The following PCDH9 variants were observed in gnomAD, a reference collection of about 807,000 sequenced individuals.
The protein encoded by PCDH9 is protocadherin-9.
In PCDH9, 24 loss-of-function variants were observed where a neutral mutation model predicts 70.6. The observed-to-expected ratio is 0.34, with a 90% CI of 0.25 to 0.48. The LOEUF (loss-of-function observed/expected upper bound fraction) is 0.48. Among genes scored for constraint, PCDH9 ranks in the 20% least tolerant of loss-of-function variants. The pLI is 0.99. For missense variants in PCDH9, 1,281 were observed against 1,503.6 expected (o/e 0.85, Z 2.45); for synonymous variants, 562 against 558.5 (o/e 1.01, Z -0.09).
At chr13:66,468,614 A>G (rs1435405588) in intron 4 of PCDH9, among the ~76,000 whole-genome samples, 1 of 152,154 alleles carries the variant, frequency 6.6e-6, no homozygotes, top group Non-Finnish European at 1.5e-5. Context: ...CAGAAAGCAC[A>G]TTGCCAGTCA....
intron 4 of PCDH9, among the ~76,000 whole-genome samples, chr13:66,331,023 T>C (rs1293448512): frequency 1.3e-5 from 2 of 152,138 alleles, no homozygotes; most frequent in African/African-American, 4.8e-5. Flanking sequence ...AAAATTATAG[T>C]TCGAAGGATC....
At position 66,532,122 on chromosome 13, in the gene PCDH9, G is replaced by T. The variant is rs146105158; in HGVS notation, c.3340+99088C>A. ...CCACCTTTGCCTCCTAAATAGCTGG[G>T]ACTAATTACAGGCATGTACCACCAT... On this transcript the variant is annotated intron_variant, in intron 4 of 4. Transcript: ENST00000377865. Among the ~76,000 whole-genome samples, 109 of 151,922 alleles carry T rather than the reference G, an allele frequency of 7.2e-4. 1 individual carries two copies. The highest frequency in any genetic ancestry group is 2.3e-3 in the African/African-American group (97 of 41,470).
intron 2 of PCDH9, among the ~76,000 whole-genome samples, chr13:67,115,268 C>T (rs553341007): frequency 1.3e-5 from 2 of 152,266 alleles, no homozygotes; most frequent in South Asian, 4.1e-4. Flanking sequence ...TTGGTGAAGC[C>T]TGGGTGGGGT....
At chr13:67,186,436 C>T (rs1176577460) in intron 2 of PCDH9, among the ~76,000 whole-genome samples, 3 of 152,134 alleles carry the variant, frequency 2.0e-5, no homozygotes, top group Non-Finnish European at 2.9e-5. Flanking sequence ...TAATGTACAT[C>T]GTAATCACCT....
chr13:66,560,688 A>T (rs1961970328), intron 4 of PCDH9, among the ~76,000 whole-genome samples: 1 of 152,192 alleles, frequency 6.6e-6, no homozygotes, highest in South Asian at 2.1e-4. Flanking sequence ...ATACTCTTGG[A>T]TTGGAGAATT....
intron 2 of PCDH9, among the ~76,000 whole-genome samples, chr13:67,059,586 T>G (rs1385076574): frequency 6.6e-6 from 1 of 151,416 alleles, no homozygotes; most frequent in African/African-American, 2.4e-5. Flanking sequence ...GTGGCCGTCT[T>G]GGGAAGAGAG....
At chr13:66,574,010 T>G (rs756467256) in intron 4 of PCDH9, among the ~76,000 whole-genome samples, 6 of 152,174 alleles carry the variant, frequency 3.9e-5, no homozygotes, top group Non-Finnish European at 5.9e-5. Context: ...GCCTAGATAC[T>G]CTTATCATTT....
At chr13:66,387,189 A>G (rs2138258327) in intron 4 of PCDH9, among the ~76,000 whole-genome samples, 2 of 152,322 alleles carry the variant, frequency 1.3e-5, no homozygotes, top group South Asian at 4.1e-4. Context: ...ACTGTGAGCC[A>G]TTATCTATTA....
chr13:66,351,183 T>C (rs1956286171), intron 4 of PCDH9, among the ~76,000 whole-genome samples: 1 of 152,168 alleles, frequency 6.6e-6, no homozygotes, highest in Non-Finnish European at 1.5e-5. Context: ...AACCCCATAA[T>C]TTATGTATAA....
At chr13:66,566,864 G>T (rs1279634663) in intron 4 of PCDH9, among the ~76,000 whole-genome samples, 1 of 151,972 alleles carries the variant, frequency 6.6e-6, no homozygotes, top group Admixed American at 6.6e-5. Context: ...AAGAGTAAAA[G>T]ATAGCATTTT....
chr13:67,143,688 A>C (rs538898618), intron 2 of PCDH9, among the ~76,000 whole-genome samples: 4 of 152,272 alleles, frequency 2.6e-5, no homozygotes, highest in African/African-American at 9.6e-5. Context: ...AAGTCACAAA[A>C]ATCTAGAAAG....
intron 3 of PCDH9, among the ~76,000 whole-genome samples, chr13:66,837,715 C>A (rs1176292065): frequency 6.6e-6 from 1 of 152,130 alleles, no homozygotes; most frequent in Non-Finnish European, 1.5e-5. Flanking sequence ...TATTTCAATT[C>A]TTTATGCCCA....
At chr13:67,047,980 G>C (rs558609410) in intron 2 of PCDH9, among the ~76,000 whole-genome samples, 2 of 152,182 alleles carry the variant, frequency 1.3e-5, no homozygotes, top group South Asian at 4.2e-4. Flanking sequence ...CTTAAGAAAA[G>C]GCTGTTTCTG....
intron 4 of PCDH9, among the ~76,000 whole-genome samples, chr13:66,345,224 AC>A (rs538703656): frequency 1.2e-4 from 19 of 152,272 alleles, no homozygotes; most frequent in African/African-American, 4.3e-4. Context: ...ATTTAGGAAT[AC>A]AATTTTTTGA....
intron 3 of PCDH9, among the ~76,000 whole-genome samples, chr13:66,826,804 A>G (rs537441623): frequency 6.6e-6 from 1 of 152,326 alleles, no homozygotes; most frequent in African/African-American, 2.4e-5. Context: ...GAGACTAATC[A>G]TATTCTGGAC....
chr13:66,485,093 G>A (rs530382741), intron 4 of PCDH9, among the ~76,000 whole-genome samples: 2 of 152,312 alleles, frequency 1.3e-5, no homozygotes, highest in African/African-American at 4.8e-5. Context: ...TAGAAAGGCA[G>A]ATGATAAATT....
intron 2 of PCDH9, chr13:67,208,963 C>T (rs965060908): frequency 2.6e-5 from 4 of 152,126 alleles, no homozygotes; most frequent in African/African-American, 7.2e-5. Context: ...TTTATTTAAA[C>T]GTTACTTTAG....
intron 4 of PCDH9, among the ~76,000 whole-genome samples, chr13:66,349,163 C>T (rs1566259978): frequency 6.6e-6 from 1 of 152,172 alleles, no homozygotes; most frequent in East Asian, 1.9e-4. Context: ...ACTTCATTAC[C>T]TCATTGTGTG....
intron 2 of PCDH9, among the ~76,000 whole-genome samples, chr13:67,109,942 G>A (rs1246238413): frequency 6.6e-6 from 1 of 151,976 alleles, no homozygotes; most frequent in Admixed American, 6.6e-5. Flanking sequence ...ACCATAACGA[G>A]TGACCACTTA....
Sources: allele counts gnomAD v4.1 joint callset (sites outside exome capture counted in the v4.1 genomes callset), GRCh38; gene constraint gnomAD v4.1.1; transcripts MANE v1.5; gene names NCBI Gene and HGNC (gene_info 2026-07-23, HGNC 2026-07-21).